GLOD4: variants seen among roughly 807,000 people sequenced by gnomAD.
GLOD4 encodes the protein glyoxalase domain containing 4, also known as glyoxalase domain-containing protein 4.
Under a neutral mutation model 39.1 loss-of-function variants are expected in GLOD4, and 44 were observed. The observed-to-expected ratio is 1.13, with a 90% CI of 0.88 to 1.45. The LOEUF is 1.45. GLOD4 is among the 40% of genes most tolerant of loss of function. The pLI is 0.00. For missense variants in GLOD4, 405 were observed against 366.4 expected (o/e 1.11, Z -0.86); for synonymous variants, 145 against 135.0 (o/e 1.07, Z -0.52).
At chr17:782,905 C>G (rs1439369605), upstream of GLOD4, among the ~76,000 whole-genome samples, 1 of 152,168 alleles carries the variant, frequency 6.6e-6, no homozygotes, top group Non-Finnish European at 1.5e-5. Context: ...CCAGGCTGAT[C>G]TGGAACTCCT....
At chr17:763,801 G>A (rs1471547758) in intron 8 of GLOD4, 1 of 152,132 alleles carries the variant, frequency 6.6e-6, no homozygotes, top group Non-Finnish European at 1.5e-5. Context: ...TAGGTGAAGA[G>A]GTTCTCAGGA....
At chr17:764,767 G>C (rs1906152740) in intron 8 of GLOD4, 1 of 151,424 alleles carries the variant, frequency 6.6e-6, no homozygotes, top group Non-Finnish European at 1.5e-5. Context: ...CCAGCCCTTT[G>C]GGAGGCCAAG....
chr17:762,831 G>C lies in GLOD4; in HGVS notation c.832-2593C>G, dbSNP rs574588255. 3.2e-4 allele frequency among the ~76,000 whole-genome samples: 48 copies of C among 152,332 alleles called. No individual in the cohort carries two copies. The South Asian group carries it at 9.7e-3, about 31-fold the overall frequency. On this transcript the variant is annotated intron_variant, in intron 8 of 8. Coordinates refer to ENST00000301329, the MANE Select transcript of GLOD4 (RefSeq NM_016080.4). ...AATGACTTACTCATTCTTAGCCTCG[G>C]TTTCCTCATTTGCAAAGGCTGATGC...
chr17:778,420 T>C (rs1909315942), intron 2 of GLOD4: 1 of 535,628 alleles, frequency 1.9e-6, no homozygotes, highest in African/African-American at 1.9e-5. Context: ...AATCCCTTTG[T>C]GTCCCACAGG....
intron 2 of GLOD4, chr17:778,299 C>G (rs146310130): frequency 1.5e-5 from 5 of 327,496 alleles, no homozygotes; most frequent in Non-Finnish European, 2.2e-5. Flanking sequence ...CCTGACGTGG[C>G]GGAAAATCTT....
rs1909361730 is a variant in GLOD4 at position 778,701 on chromosome 17, C to G, written c.134G>C (p.Cys45Ser). 1 of 1,574,674 alleles carries G rather than the reference C, an allele frequency of 6.4e-7. No homozygotes were observed. The highest frequency in any genetic ancestry group is 1.3e-5 in the African/African-American group (1 of 74,114). Residue 45 changes from cysteine to serine, a missense_variant, in exon 2 of 9, where the codon TGT becomes TCT. Cys to Ser is a moderately radical substitution (Grantham distance 112, BLOSUM62 -1). Coordinates refer to ENST00000301329, the MANE Select transcript of GLOD4 (RefSeq NM_016080.4). ...EEFEEGCKAA[C>S]NGPYDGKWSK... ...AAGAAACAAGGTATCATACCCATTA[C>G]AGGCAGCTTTGCAGCCTTCTTCAAA...
At chr17:769,591 T>G (rs1195902030) in intron 8 of GLOD4, among the ~76,000 whole-genome samples, 1 of 151,666 alleles carries the variant, frequency 6.6e-6, no homozygotes, top group Admixed American at 6.6e-5. Context: ...GGGGGTCGGA[T>G]AGAGGCATCT....
intron 2 of GLOD4, 56 bp downstream of exon 2, chr17:778,639 T>A (rs1207585140): frequency 1.0e-6 from 1 of 996,718 alleles, no homozygotes; most frequent in Non-Finnish European, 1.6e-6. Flanking sequence ...AACTGTCTTC[T>A]GTTATCCGGG....
intron 8 of GLOD4, among the ~76,000 whole-genome samples, chr17:766,841 G>A (rs1906658307): frequency 6.6e-6 from 1 of 152,232 alleles, no homozygotes; most frequent in Non-Finnish European, 1.5e-5. Flanking sequence ...GAAGGTTGCA[G>A]TGAGGCAAGA....
intron 4 of GLOD4, among the ~76,000 whole-genome samples, chr17:774,550 T>C (rs1908561224): frequency 6.6e-6 from 1 of 152,236 alleles, no homozygotes; most frequent in African/African-American, 2.4e-5. Flanking sequence ...CTTCTTGTTC[T>C]GTGTGGCAGT....
chr17:768,215 A>G (rs182952410), intron 8 of GLOD4, among the ~76,000 whole-genome samples: 1,877 of 150,426 alleles, frequency 0.012, 28 homozygotes, highest in East Asian at 0.048. Flanking sequence ...AAATCTGGAG[A>G]GGATGTGTGA....
At chr17:770,796 A>G (rs1567791996) in intron 5 of GLOD4, 1 of 285,838 alleles carries the variant, frequency 3.5e-6, no homozygotes, top group Admixed American at 4.6e-5. Context: ...ATTTGCCTCA[A>G]TCTTTTTGCT....
intron 4 of GLOD4, among the ~76,000 whole-genome samples, chr17:773,685 T>C (rs996927941): frequency 6.6e-6 from 1 of 152,238 alleles, no homozygotes; most frequent in Non-Finnish European, 1.5e-5. Flanking sequence ...ATTCAGTACA[T>C]TTTTCTTTGG....
chr17:781,451 G>A (rs1004810577), intron 1 of GLOD4, among the ~76,000 whole-genome samples: 1 of 152,168 alleles, frequency 6.6e-6, no homozygotes, highest in African/African-American at 2.4e-5. Flanking sequence ...ACTCAACGTA[G>A]TACCCTGAAA....
chr17:778,401 G>C (rs1375846801), intron 2 of GLOD4: 8 of 518,622 alleles, frequency 1.5e-5, no homozygotes, highest in South Asian at 3.2e-5. Flanking sequence ...TGGTGTTAGA[G>C]AGCTGGAGAA....
chr17:783,300 G>A (rs1214365813), upstream of GLOD4: 4 of 1,613,226 alleles, frequency 2.5e-6, no homozygotes, highest in African/African-American at 2.7e-5. Flanking sequence ...GGATTGGTCC[G>A]ACCTCGTAAC....
chr17:763,466 A>G (rs542171809), intron 8 of GLOD4: 1 of 152,352 alleles, frequency 6.6e-6, no homozygotes, highest in South Asian at 2.1e-4. Context: ...GGCTGCAGTG[A>G]GCTGAGATCA....
intron 3 of GLOD4, among the ~76,000 whole-genome samples, chr17:776,634 T>C (rs892876980): frequency 6.6e-6 from 1 of 152,228 alleles, no homozygotes; most frequent in African/African-American, 2.4e-5. Flanking sequence ...CCAGCCACAC[T>C]GGCTTCCTTA....
At chr17:765,948 T>G (rs1221190483) in intron 8 of GLOD4, among the ~76,000 whole-genome samples, 1 of 145,820 alleles carries the variant, frequency 6.9e-6, no homozygotes, top group Non-Finnish European at 1.5e-5. Context: ...AGAGTGAGAC[T>G]CCCAACTCAA....
Sources: allele counts gnomAD v4.1 joint callset (sites outside exome capture counted in the v4.1 genomes callset), GRCh38; gene constraint gnomAD v4.1.1; transcripts MANE v1.5; gene names NCBI Gene and HGNC (gene_info 2026-07-23, HGNC 2026-07-21).